ZMPSTE24: variants seen among roughly 807,000 people sequenced by gnomAD.
ZMPSTE24 encodes CAAX prenyl protease 1 homolog.
In ZMPSTE24, 48 loss-of-function variants were observed where a neutral mutation model predicts 56.7. The ratio of observed to expected loss-of-function variants is 0.85; its 90% CI spans 0.67 to 1.08. The LOEUF (loss-of-function observed/expected upper bound fraction) is 1.08, where lower values mean the gene tolerates loss of function less well. Among genes scored for constraint, ZMPSTE24 ranks in the 50% least tolerant of loss-of-function variants. ZMPSTE24 has a pLI of 0.00. For missense variants in ZMPSTE24, 503 were observed against 548.7 expected (o/e 0.92, Z 0.83); for synonymous variants, 172 against 195.2 (o/e 0.88, Z 0.99).
intron 5 of ZMPSTE24, 58 bp from the exon 6 acceptor site, chr1:40,271,835 TA>T (rs1302713818): frequency 2.2e-5 from 35 of 1,579,020 alleles, no homozygotes; most frequent in Non-Finnish European, 2.9e-5. Context: ...ATCTGTATAA[TA>T]AAGAATGTTT....
intron 6 of ZMPSTE24, among the ~76,000 whole-genome samples, chr1:40,275,861 T>C (rs928617013): frequency 2.0e-5 from 3 of 152,084 alleles, no homozygotes; most frequent in Non-Finnish European, 4.4e-5. Flanking sequence ...GCTAGGAACT[T>C]ATAATCATAT....
At position 40,260,182 on chromosome 1, in the gene ZMPSTE24, C is replaced by T. The variant is rs374039089; in HGVS notation, c.124-657C>T. On this transcript the variant is annotated intron_variant, in intron 1 of 9. Transcript: ENST00000372759. ...CTCAAGTGATCCTCCCACCTCAGCC[C>T]CCCAAATAGCTGGGACCACAGGTGC... 8.0e-5 allele frequency among the ~76,000 whole-genome samples: 12 copies of T among 150,918 alleles called. 1 individual carries two copies. The highest frequency in any genetic ancestry group is 3.9e-4 in the East Asian group (2 of 5,102).
At chr1:40,286,114 C>G (rs1429835973) in intron 8 of ZMPSTE24, 85 bp downstream of exon 8, 2 of 1,180,838 alleles carry the variant, frequency 1.7e-6, no homozygotes, top group Non-Finnish European at 2.5e-6. Flanking sequence ...ATAAGAGAGG[C>G]CAAGGCAGAC....
chr1:40,283,219 T>C (rs1185461955), intron 7 of ZMPSTE24, among the ~76,000 whole-genome samples: 3 of 152,136 alleles, frequency 2.0e-5, no homozygotes, highest in Admixed American at 6.6e-5. Flanking sequence ...TTAATCTGCT[T>C]ATGGTCAGGC....
At chr1:40,291,049 T>G in intron 9 of ZMPSTE24, 52 bp downstream of exon 9, 1 of 1,600,800 alleles carries the variant, frequency 6.2e-7, no homozygotes, top group Non-Finnish European at 8.5e-7. Context: ...CTGCTTCAAA[T>G]CTAGAGCTTT....
At chr1:40,269,952 G>A in intron 4 of ZMPSTE24, 23 bp from the exon 5 acceptor site, 1 of 1,596,734 alleles carries the variant, frequency 6.3e-7, no homozygotes, top group Non-Finnish European at 8.5e-7. Flanking sequence ...TCAGTTTCTT[G>A]TGGTAATGTT....
chr1:40,289,388 C>A (rs1643817620), intron 8 of ZMPSTE24, among the ~76,000 whole-genome samples: 1 of 152,180 alleles, frequency 6.6e-6, no homozygotes, highest in South Asian at 2.1e-4. Flanking sequence ...CAGTAGCAAA[C>A]CAAAAGTTAT....
intron 1 of ZMPSTE24, 118 bp from the exon 2 acceptor site, chr1:40,260,721 G>A (rs1325681085): frequency 1.0e-6 from 1 of 1,002,154 alleles, no homozygotes. Context: ...ATTTGTGTAG[G>A]TATAAAGCAA....
intron 5 of ZMPSTE24, 119 bp downstream of exon 5, chr1:40,270,246 T>A: frequency 8.5e-7 from 1 of 1,180,972 alleles, no homozygotes. Flanking sequence ...GGTGCTTATA[T>A]ACATTTCCCC....
Position 40,281,436 on chromosome 1 carries a change from C to G in ZMPSTE24, c.863C>G (p.Ser288Cys), listed in dbSNP as rs1216118404. 2.5e-6 allele frequency: 4 copies of G among 1,613,752 alleles called. No homozygotes were observed. The African/African-American group carries it at 4.0e-5, about 16-fold the overall frequency. ...VLFDTLLEEYSVLNKDIQEDS... is the reference protein window; with the variant it reads ...VLFDTLLEEYCVLNKDIQEDS... ...TTTGACACTCTACTAGAAGAGTACT[C>G]TGTACTAAACAAAGACATCCAGGAG... The change falls in exon 7 of 10, where the codon TCT (serine) becomes TGT (cysteine). Residue 288 changes from serine (S) to cysteine (C), a missense_variant. By Grantham distance (112) the Ser-to-Cys change is moderately radical. Coordinates refer to ENST00000372759, the MANE Select transcript of ZMPSTE24 (RefSeq NM_005857.5).
chr1:40,260,687 T>G, intron 1 of ZMPSTE24, 152 bp from the exon 2 acceptor site: 15 of 721,798 alleles, frequency 2.1e-5, no homozygotes, highest in East Asian at 2.8e-5. Flanking sequence ...CATCAGTCGT[T>G]TCATGTACTT....
At chr1:40,263,777 C>G (rs1207783798) in intron 2 of ZMPSTE24, among the ~76,000 whole-genome samples, 1 of 148,910 alleles carries the variant, frequency 6.7e-6, no homozygotes, top group South Asian at 2.1e-4. Context: ...CTGAGGGAAC[C>G]TAAATAGAGT....
chr1:40,290,257 C>CG (rs1019797487), intron 8 of ZMPSTE24, among the ~76,000 whole-genome samples: 5 of 150,314 alleles, frequency 3.3e-5, no homozygotes, highest in Non-Finnish European at 5.9e-5. Flanking sequence ...TGGTGGGGGG[C>CG]GCCTGTAGTC....
At chr1:40,291,640 G>C (rs1181102146) in intron 9 of ZMPSTE24, among the ~76,000 whole-genome samples, 1 of 152,130 alleles carries the variant, frequency 6.6e-6, no homozygotes, top group Non-Finnish European at 1.5e-5. Context: ...TGAAGATCTT[G>C]AGGTATCTCC....
chr1:40,266,273 A>G (rs1643547473), intron 2 of ZMPSTE24, among the ~76,000 whole-genome samples: 1 of 152,196 alleles, frequency 6.6e-6, no homozygotes, highest in African/African-American at 2.4e-5. Context: ...AACCAGTGGG[A>G]ATATTGTGCT....
chr1:40,279,768 G>T (rs925088222), intron 6 of ZMPSTE24, among the ~76,000 whole-genome samples: 3 of 152,250 alleles, frequency 2.0e-5, no homozygotes, highest in African/African-American at 7.2e-5. Flanking sequence ...AATTTTCTGT[G>T]CATCTCATCG....
intron 2 of ZMPSTE24, chr1:40,262,919 C>A: frequency 9.5e-7 from 1 of 1,051,394 alleles, no homozygotes; most frequent in Non-Finnish European, 1.2e-6. Context: ...TAATAGCTCC[C>A]ATATTTTCTT....
chr1:40,293,949 C>T lies in ZMPSTE24; in HGVS notation c.*1280C>T, dbSNP rs746117075. 1.2e-4 allele frequency: 19 copies of T among 152,518 alleles called. No homozygotes were observed. The highest frequency in any genetic ancestry group is 2.4e-4 in the Non-Finnish European group (16 of 68,030). The allele number at this position is 152,518 out of a possible 1,614,324, so 9.4% of individuals were successfully genotyped here. A position where few individuals can be genotyped will look rare whatever the true frequency, so the allele number is the denominator to read the frequency against. On this transcript the variant is annotated 3_prime_UTR_variant, in exon 10 of 10. Coordinates refer to ENST00000372759, the MANE Select transcript of ZMPSTE24 (RefSeq NM_005857.5). ...TATCTGACCATAAAGTCTTTTGCTC[C>T]GCTGACATTTGGGTGATGTCTTCAC...
chr1:40,268,116 T>C (rs947325897), intron 3 of ZMPSTE24, among the ~76,000 whole-genome samples: 1 of 152,244 alleles, frequency 6.6e-6, no homozygotes, highest in Non-Finnish European at 1.5e-5. Context: ...TTTTTAGTTA[T>C]CAGGTGACTT....
Sources: gnomAD v4.1 joint callset for allele counts (sites outside exome capture counted in the v4.1 genomes callset) on GRCh38, gnomAD v4.1.1 for gene constraint, MANE v1.5 for transcripts, NCBI Gene and HGNC (gene_info 2026-07-23, HGNC 2026-07-21) for gene names.